The following ABCA13 variants were observed in gnomAD, a reference collection of about 807,000 sequenced individuals.
ABCA13 encodes the protein ATP-binding cassette sub-family A member 13.
Under a neutral mutation model 478.7 loss-of-function variants are expected in ABCA13, and 476 were observed. The ratio of observed to expected loss-of-function variants is 0.99; its 90% CI spans 0.92 to 1.07. The LOEUF (loss-of-function observed/expected upper bound fraction) is 1.07. Ranked by LOEUF, ABCA13 falls within the 50% of genes least tolerant of loss-of-function variation. The pLI, the probability that ABCA13 is intolerant of heterozygous loss-of-function variation, is 0.00. For synonymous variants in ABCA13, 2,252 were observed against 2,158.9 expected, an observed-to-expected ratio of 1.04 and a Z score of -1.20; for missense variants, 6,060 against 5,910.6, an observed-to-expected ratio of 1.03 and a Z score of -0.83.
At chr7:48,435,717 A>T (rs1210554608) in intron 42 of ABCA13, among the ~76,000 whole-genome samples, 1 of 151,698 alleles carries the variant, frequency 6.6e-6, no homozygotes, top group African/African-American at 2.4e-5. Flanking sequence ...AAGTGTTTTT[A>T]TCATAACAAA....
chr7:48,594,865 G>A (rs2131440179), intron 58 of ABCA13, 52 bp downstream of exon 58: 1 of 1,518,964 alleles, frequency 6.6e-7, no homozygotes, highest in South Asian at 1.1e-5. Flanking sequence ...GAGTAACAAA[G>A]GTTAAGAAGT....
At chr7:48,372,674 G>GT (rs1812842775) in intron 33 of ABCA13, among the ~76,000 whole-genome samples, 177 bp downstream of exon 33, 1 of 152,118 alleles carries the variant, frequency 6.6e-6, no homozygotes, top group Non-Finnish European at 1.5e-5. Flanking sequence ...AAACTGCAGG[G>GT]TTTTTGCTGG....
intron 29 of ABCA13, among the ~76,000 whole-genome samples, chr7:48,339,139 C>A (rs919996835): frequency 1.3e-5 from 2 of 152,102 alleles, no homozygotes; most frequent in African/African-American, 2.4e-5. Flanking sequence ...TGTTCCAGGT[C>A]CCTGGCTCCC....
In ABCA13 at chr7:48,528,270, A is replaced by G. The variant is rs1833007683; in HGVS notation, c.14279A>G (p.Lys4760Arg). The G allele has an allele frequency of 1.3e-6, 2 of 1,578,694 alleles. No individual in the cohort carries two copies. Among genetic ancestry groups the G allele is most frequent in the Admixed American group, 1.8e-5 (1 of 54,824 alleles). Residue 4760 changes from lysine to arginine, a missense_variant, in exon 55 of 62, where the codon AAG becomes AGG. Coordinates refer to ENST00000435803, the MANE Select transcript of ABCA13 (RefSeq NM_152701.5). Reference protein sequence around the residue: ...FGLLGVNGAGKSTTFKMLNGE... With the variant: ...FGLLGVNGAGRSTTFKMLNGE... Reference sequence around the variant, plus strand: ...CTTCTAGGGGTGAATGGAGCTGGGAAGAGCACGACTTTCAAAATGCTGAAT... The same window carrying G: ...CTTCTAGGGGTGAATGGAGCTGGGAGGAGCACGACTTTCAAAATGCTGAAT...
chr7:48,509,962 G>T (rs1443256800), intron 50 of ABCA13, among the ~76,000 whole-genome samples: 1 of 152,140 alleles, frequency 6.6e-6, no homozygotes, highest in Non-Finnish European at 1.5e-5. Context: ...GAATCTGCCA[G>T]CACCTTGATT....
rs1309362215 is a variant in ABCA13 at position 48,250,624 on chromosome 7, C to T, written c.2005+1273C>T. ...TGTTTTTATTATGTTAATGGCTCAC[C>T]TCTTTCCTTATCAGCTTCATAAAAC... On this transcript the variant is annotated intron_variant, in intron 15 of 61. Transcript: ENST00000435803. Among the ~76,000 whole-genome samples the T allele has an allele frequency of 3.3e-5, 5 of 152,314 alleles. No homozygotes were observed. In the East Asian group the frequency reaches 9.6e-4, roughly 29 times the overall value.
chr7:48,427,583 CCTGTTTTG>C (rs1426399778), intron 41 of ABCA13, among the ~76,000 whole-genome samples, 175 bp from the exon 42 acceptor site: 4 of 152,270 alleles, frequency 2.6e-5, no homozygotes, highest in Admixed American at 6.5e-5. Context: ...CTATGGGTAG[CCTGTTTTG>C]CTGAGACCTA....
chr7:48,549,870 A>G (rs954910908), intron 55 of ABCA13, among the ~76,000 whole-genome samples: 5 of 151,790 alleles, frequency 3.3e-5, no homozygotes, highest in African/African-American at 1.2e-4. Flanking sequence ...CTTTTGAGAA[A>G]TGTCTGTTCA....
Position 48,450,693 on chromosome 7 carries a change from C to CTCACTCT in ABCA13, c.12566-4344_12566-4343insTCACTCT, listed in dbSNP as rs567633942. Among the ~76,000 whole-genome samples the CTCACTCT allele has an allele frequency of 3.1e-4, 47 of 151,838 alleles. 1 individual carries two copies. In the South Asian group the frequency reaches 9.6e-3, roughly 31 times the overall value. On this transcript the variant is annotated intron_variant, in intron 42 of 61. Coordinates refer to ENST00000435803, the MANE Select transcript of ABCA13 (RefSeq NM_152701.5). ...TTTCATATGTGATGTTTTAACCCTC[C>CTCACTCT]CTCATTTTTTGGTTAATACACGCTG...
At chr7:48,546,280 G>A (rs531752175) in intron 55 of ABCA13, among the ~76,000 whole-genome samples, 1 of 151,856 alleles carries the variant, frequency 6.6e-6, no homozygotes, top group East Asian at 1.9e-4. Context: ...TCTGTTTCAG[G>A]CAGCACAGAT....
intron 15 of ABCA13, among the ~76,000 whole-genome samples, chr7:48,266,053 A>G (rs1483624926): frequency 6.6e-6 from 1 of 151,656 alleles, no homozygotes; most frequent in Non-Finnish European, 1.5e-5. Flanking sequence ...TTTTGTAAAA[A>G]TTCTAGTCAT....
chr7:48,481,171 T>G lies in ABCA13; in HGVS notation c.13094+17T>G. The G allele has an allele frequency of 2.0e-6, 3 of 1,519,676 alleles. No homozygotes were observed. The highest frequency in any genetic ancestry group is 2.7e-6 in the Non-Finnish European group (3 of 1,113,122). The allele number at this position is 1,519,676 out of a possible 1,614,324, so 94.1% of individuals were successfully genotyped here. On this transcript the variant is annotated intron_variant, in intron 46 of 61. Coordinates refer to ENST00000435803, the MANE Select transcript of ABCA13 (RefSeq NM_152701.5). ...AAAACCAAGGTGTGTTCAATACTCT[T>G]GTTGGGTCTTTACTTGTTTGGATTA...
chr7:48,498,303 G>T (rs1830452012), intron 48 of ABCA13, among the ~76,000 whole-genome samples: 1 of 152,100 alleles, frequency 6.6e-6, no homozygotes, highest in African/African-American at 2.4e-5. Flanking sequence ...CGGGTCCTTG[G>T]GTTTTTTATT....
At chr7:48,306,847 G>A (rs957483051) in intron 23 of ABCA13, among the ~76,000 whole-genome samples, 11 of 152,316 alleles carry the variant, frequency 7.2e-5, no homozygotes, top group African/African-American at 2.6e-4. Context: ...GTCCCTATGC[G>A]GGTATTTTTT....
chr7:48,293,425 A>G (rs1798867782), intron 20 of ABCA13, among the ~76,000 whole-genome samples: 1 of 152,268 alleles, frequency 6.6e-6, no homozygotes, highest in Non-Finnish European at 1.5e-5. Context: ...TTCGACAGAA[A>G]TATTATCTAA....
intron 10 of ABCA13, among the ~76,000 whole-genome samples, chr7:48,243,804 C>T (rs1484388072): frequency 6.6e-6 from 1 of 152,210 alleles, no homozygotes; most frequent in Non-Finnish European, 1.5e-5. Flanking sequence ...TTTGCTTGGG[C>T]TTCAAGTAGC....
rs755153546 is a variant in ABCA13 at position 48,279,910 on chromosome 7, A to G, written c.8716A>G (p.Thr2906Ala). 3.3e-6 allele frequency: 5 copies of G among 1,518,436 alleles called. No individual in the cohort carries two copies. The South Asian group carries it at 6.9e-5, about 21-fold the overall frequency. The allele number at this position is 1,518,436 out of a possible 1,614,324, so 94.1% of individuals were successfully genotyped here. ...LTKYWQQIPL[T>A]DQSVVEICEV... ...TAAATACTGGCAACAAATCCCACTA[A>G]CAGATCAAAGGTAATTAAAAAGCTG... The change falls in exon 18 of 62, where the codon ACA (threonine) becomes GCA (alanine). Residue 2906 changes from threonine to alanine, a missense_variant. By Grantham distance (58) the Thr-to-Ala change is moderately conservative. Coordinates refer to ENST00000435803, the MANE Select transcript of ABCA13 (RefSeq NM_152701.5).
intron 55 of ABCA13, among the ~76,000 whole-genome samples, chr7:48,560,932 CAT>C (rs1786388391): frequency 2.0e-5 from 3 of 152,100 alleles, no homozygotes; most frequent in Non-Finnish European, 4.4e-5. Context: ...TTAGATTCCA[CAT>C]GTTAGTGACA....
At chr7:48,349,738 G>A (rs1808657199) in intron 29 of ABCA13, among the ~76,000 whole-genome samples, 1 of 152,216 alleles carries the variant, frequency 6.6e-6, no homozygotes, top group South Asian at 2.1e-4. Flanking sequence ...AATGCCCACA[G>A]GATGGCAGGT....
Sources: gnomAD v4.1 joint callset for allele counts (sites outside exome capture counted in the v4.1 genomes callset) on GRCh38, gnomAD v4.1.1 for gene constraint, MANE v1.5 for transcripts, NCBI Gene and HGNC (gene_info 2026-07-23, HGNC 2026-07-21) for gene names.